Variants in PCDH9 observed in about 807,000 individuals in gnomAD.
PCDH9 encodes protocadherin 9.
A neutral mutation model predicts 70.6 loss-of-function variants in PCDH9; 24 were observed. The observed-to-expected ratio is 0.34, with a 90% CI of 0.25 to 0.48. The LOEUF (loss-of-function observed/expected upper bound fraction) is 0.48. PCDH9 is among the 20% of genes least tolerant of loss of function. The pLI is 0.99. For synonymous variants in PCDH9, 562 were observed against 558.5 expected, an observed-to-expected ratio of 1.01 and a Z score of -0.09; for missense variants, 1,281 against 1,503.6, an observed-to-expected ratio of 0.85 and a Z score of 2.45.
chr13:66,323,316 C>T (rs949555403), intron 4 of PCDH9: 7 of 151,990 alleles, frequency 4.6e-5, no homozygotes, highest in African/African-American at 9.7e-5. Flanking sequence ...ACTATTATCA[C>T]ATTTTAAGAG....
intron 3 of PCDH9, among the ~76,000 whole-genome samples, chr13:66,834,249 C>G (rs2080978679): frequency 1.3e-5 from 2 of 151,500 alleles, no homozygotes; most frequent in South Asian, 4.2e-4. Flanking sequence ...ACTCCGTCCC[C>G]CGAGCTCAAG....
At chr13:66,495,467 G>T (rs945583018) in intron 4 of PCDH9, among the ~76,000 whole-genome samples, 13 of 152,234 alleles carry the variant, frequency 8.5e-5, no homozygotes, top group African/African-American at 2.4e-4. Context: ...GGCGAGATGG[G>T]GACTAGGAAT....
intron 3 of PCDH9, among the ~76,000 whole-genome samples, chr13:66,789,034 C>A (rs1455322065): frequency 6.6e-6 from 1 of 152,140 alleles, no homozygotes; most frequent in African/African-American, 2.4e-5. Context: ...TGGCCTTCAA[C>A]CAGAAATCTC....
chr13:66,745,725 C>A (rs1393191926), intron 3 of PCDH9, among the ~76,000 whole-genome samples: 3 of 151,934 alleles, frequency 2.0e-5, no homozygotes, highest in Non-Finnish European at 4.4e-5. Flanking sequence ...AATATCTCCC[C>A]CATTCCATGG....
intron 4 of PCDH9, among the ~76,000 whole-genome samples, chr13:66,323,840 A>G (rs1955795737): frequency 1.3e-5 from 2 of 151,992 alleles, no homozygotes; most frequent in African/African-American, 4.8e-5. Context: ...CTGAGGAAAC[A>G]CATACACTTG....
chr13:66,579,363 G>A (rs1037433838), intron 4 of PCDH9, among the ~76,000 whole-genome samples: 37 of 151,836 alleles, frequency 2.4e-4, no homozygotes, highest in African/African-American at 3.9e-4. Context: ...GCTAAACTTC[G>A]AACTGGAAAA....
At chr13:67,064,588 A>T (rs1269889673) in intron 2 of PCDH9, among the ~76,000 whole-genome samples, 1 of 152,180 alleles carries the variant, frequency 6.6e-6, no homozygotes, top group African/African-American at 2.4e-5. Context: ...GTAGAATATG[A>T]TTCTGCTAAA....
chr13:66,912,708 A>G (rs2082489162), intron 2 of PCDH9, among the ~76,000 whole-genome samples: 1 of 151,936 alleles, frequency 6.6e-6, no homozygotes, highest in South Asian at 2.1e-4. Context: ...TAATACAAAT[A>G]TTTATTTATA....
intron 2 of PCDH9, among the ~76,000 whole-genome samples, chr13:66,942,830 T>C (rs1257566039): frequency 6.6e-6 from 1 of 152,136 alleles, no homozygotes; most frequent in Non-Finnish European, 1.5e-5. Context: ...TTCTGGTTTA[T>C]TCCTTAAATG....
At chr13:67,161,055 C>T (rs1050012468) in intron 2 of PCDH9, among the ~76,000 whole-genome samples, 1 of 152,162 alleles carries the variant, frequency 6.6e-6, no homozygotes, top group Non-Finnish European at 1.5e-5. Context: ...TTCTAGGGTG[C>T]TTTTCATCAC....
chr13:66,837,913 CAA>C (rs1439489945), intron 3 of PCDH9, among the ~76,000 whole-genome samples: 2 of 151,880 alleles, frequency 1.3e-5, no homozygotes, highest in East Asian at 3.9e-4. Flanking sequence ...CCATTTCAAT[CAA>C]AGAGTGCCAG....
At chr13:66,338,888 A>AT (rs1337064430) in intron 4 of PCDH9, among the ~76,000 whole-genome samples, 8 of 151,424 alleles carry the variant, frequency 5.3e-5, no homozygotes, top group Non-Finnish European at 1.2e-4. Context: ...AAGAGAAAAA[A>AT]AAAGAAGTAA....
At chr13:66,567,858 T>C (rs1229405985) in intron 4 of PCDH9, among the ~76,000 whole-genome samples, 4 of 152,178 alleles carry the variant, frequency 2.6e-5, no homozygotes, top group African/African-American at 9.6e-5. Context: ...TGATGTACAA[T>C]TTACTTCTTA....
chr13:66,500,785 C>T (rs1019303835), intron 4 of PCDH9, among the ~76,000 whole-genome samples: 41 of 152,096 alleles, frequency 2.7e-4, no homozygotes, highest in African/African-American at 7.5e-4. Flanking sequence ...CTATCATCTA[C>T]ATTTCATTGA....
intron 2 of PCDH9, among the ~76,000 whole-genome samples, chr13:66,939,667 C>T (rs751580756): frequency 2.0e-5 from 3 of 152,110 alleles, no homozygotes; most frequent in Non-Finnish European, 4.4e-5. Context: ...ATCCACCCAC[C>T]TCAGCCTCCC....
At chr13:66,802,169 T>TA (rs2080337251) in intron 3 of PCDH9, among the ~76,000 whole-genome samples, 1 of 151,952 alleles carries the variant, frequency 6.6e-6, no homozygotes, top group Non-Finnish European at 1.5e-5. Flanking sequence ...AGTCTGCCCT[T>TA]AAAAAATAAT....
intron 3 of PCDH9, among the ~76,000 whole-genome samples, chr13:66,716,350 T>G (rs956042507): frequency 1.3e-5 from 2 of 152,190 alleles, no homozygotes; most frequent in African/African-American, 4.8e-5. Context: ...AATTAATGTA[T>G]GTAATTCATT....
intron 2 of PCDH9, among the ~76,000 whole-genome samples, chr13:67,099,087 G>T (rs2086380471): frequency 6.6e-6 from 1 of 152,116 alleles, no homozygotes; most frequent in African/African-American, 2.4e-5. Context: ...AATCATTCTA[G>T]TCAACTAAAC....
intron 3 of PCDH9, among the ~76,000 whole-genome samples, chr13:66,870,606 T>A (rs34955425): frequency 0.4 from 60,109 of 151,796 alleles, 12,725 homozygotes; most frequent in African/African-American, 0.56. Context: ...TCAAAAGAGG[T>A]TATTTATGCA....
Sources: allele counts gnomAD v4.1 joint callset (sites outside exome capture counted in the v4.1 genomes callset), GRCh38; gene constraint gnomAD v4.1.1; transcripts MANE v1.5; gene names NCBI Gene and HGNC (gene_info 2026-07-23, HGNC 2026-07-21).